Variants in CNTN1 observed in about 807,000 individuals in gnomAD.
CNTN1 encodes contactin-1.
CNTN1 carries 38 observed loss-of-function variants against 126.4 expected under a neutral mutation model. The observed-to-expected ratio is 0.30, with a 90% CI of 0.23 to 0.39. The LOEUF is 0.39. Among genes scored for constraint, CNTN1 ranks in the 10% least tolerant of loss-of-function variants. The pLI is 1.00. For missense variants in CNTN1, 1,009 were observed against 1,248.4 expected (o/e 0.81, Z 2.89); for synonymous variants, 413 against 422.6 (o/e 0.98, Z 0.28).
At chr12:41,044,631 G>T (rs550331764) in intron 23 of CNTN1, among the ~76,000 whole-genome samples, 1 of 152,106 alleles carries the variant, frequency 6.6e-6, no homozygotes, top group East Asian at 1.9e-4. Context: ...ATACTGGGAG[G>T]GTAGAATCTG....
intron 17 of CNTN1, among the ~76,000 whole-genome samples, chr12:41,008,309 G>C (rs1280728898): frequency 6.6e-6 from 1 of 152,088 alleles, no homozygotes; most frequent in Non-Finnish European, 1.5e-5. Context: ...ATAACAGTAG[G>C]GTTTGTTACC....
intron 1 of CNTN1, among the ~76,000 whole-genome samples, chr12:40,880,774 G>A (rs188823344): frequency 7.5e-4 from 114 of 152,060 alleles, no homozygotes; most frequent in Non-Finnish European, 1.3e-3. Context: ...ATTTAATCAG[G>A]AACTTGTTTT....
At chr12:40,886,616 G>T (rs1470729045) in intron 1 of CNTN1, among the ~76,000 whole-genome samples, 2 of 152,068 alleles carry the variant, frequency 1.3e-5, no homozygotes, top group Non-Finnish European at 2.9e-5. Flanking sequence ...CATTGCTTTT[G>T]GTGTTTTAGA....
intron 5 of CNTN1, among the ~76,000 whole-genome samples, chr12:40,922,824 A>G (rs185464729): frequency 6.6e-6 from 1 of 152,026 alleles, no homozygotes; most frequent in East Asian, 1.9e-4. Flanking sequence ...TACAAAAATT[A>G]GCTGGGCGTT....
intron 6 of CNTN1, among the ~76,000 whole-genome samples, chr12:40,928,203 T>G (rs772467589): frequency 4.6e-5 from 7 of 152,040 alleles, no homozygotes; most frequent in African/African-American, 9.7e-5. Context: ...ACAGAAATCC[T>G]TACAAAATTT....
chr12:40,814,127 T>A (rs1941181418), intron 1 of CNTN1, among the ~76,000 whole-genome samples: 1 of 152,192 alleles, frequency 6.6e-6, no homozygotes, highest in Non-Finnish European at 1.5e-5. Context: ...TTGCAAAAAT[T>A]TTCTCCCATT....
rs1949442427 is a variant in CNTN1, at chr12:41,042,634, A to G, written c.2980+13415A>G. On this transcript the variant is annotated intron_variant, in intron 23 of 23. Transcript: ENST00000551295. Reference sequence around the variant, plus strand: ...AAGCTACCAATGACTTTCTTCACAGAATTGGAAAAAACTACTTTAAAGTTC... The same window carrying G: ...AAGCTACCAATGACTTTCTTCACAGGATTGGAAAAAACTACTTTAAAGTTC... 2.6e-5 allele frequency among the ~76,000 whole-genome samples: 4 copies of G among 152,194 alleles called. No individual in the cohort carries two copies. In the South Asian group the frequency reaches 8.3e-4, roughly 32 times the overall value.
At chr12:40,820,388 G>T (rs1592123898) in intron 1 of CNTN1, among the ~76,000 whole-genome samples, 2 of 152,192 alleles carry the variant, frequency 1.3e-5, no homozygotes, top group Non-Finnish European at 2.9e-5. Context: ...CATAGCAGTG[G>T]CTCTGATTCT....
chr12:41,058,413 A>G (rs1221223670), intron 23 of CNTN1, among the ~76,000 whole-genome samples: 2 of 152,150 alleles, frequency 1.3e-5, no homozygotes, highest in Non-Finnish European at 2.9e-5. Flanking sequence ...CAATACTGAT[A>G]GAAATGCTGG....
At chr12:40,802,195 G>A (rs1940683434) in intron 1 of CNTN1, among the ~76,000 whole-genome samples, 1 of 151,936 alleles carries the variant, frequency 6.6e-6, no homozygotes, top group South Asian at 2.1e-4. Flanking sequence ...AGATATCTTG[G>A]TTGGAGACAG....
intron 1 of CNTN1, among the ~76,000 whole-genome samples, chr12:40,834,123 A>G (rs1361598832): frequency 6.6e-6 from 1 of 152,220 alleles, no homozygotes; most frequent in Non-Finnish European, 1.5e-5. Context: ...CAGAAGACTA[A>G]CAAGAATCAT....
intron 1 of CNTN1, among the ~76,000 whole-genome samples, chr12:40,878,307 A>T (rs1052819562): frequency 1.4e-4 from 12 of 83,582 alleles, no homozygotes; most frequent in African/African-American, 4.0e-4. Context: ...AGAAACAATT[A>T]AAAAAAAAAA....
At chr12:40,820,635 T>G (rs1941414013) in intron 1 of CNTN1, among the ~76,000 whole-genome samples, 1 of 151,552 alleles carries the variant, frequency 6.6e-6, no homozygotes, top group Non-Finnish European at 1.5e-5. Context: ...ATAATTCCTT[T>G]TTAGGGGGAT....
chr12:40,869,144 ATAATT>A (rs1367187676), intron 1 of CNTN1, among the ~76,000 whole-genome samples: 1 of 151,816 alleles, frequency 6.6e-6, no homozygotes, highest in Non-Finnish European at 1.5e-5. Context: ...TAATACTATA[ATAATT>A]TAAGTGATAT....
In CNTN1 at chr12:40,972,148, G is replaced by A. The variant is rs984468669; in HGVS notation, c.1805-8761G>A. 3 of 985,244 alleles carry A rather than the reference G, an allele frequency of 3.0e-6. No homozygotes were observed. The African/African-American group carries it at 5.2e-5, about 17-fold the overall frequency. The allele number at this position is 985,244 out of a possible 1,614,324, so 61.0% of individuals were successfully genotyped here. On this transcript the variant is annotated intron_variant, in intron 15 of 23. Coordinates refer to ENST00000551295, the MANE Select transcript of CNTN1 (RefSeq NM_001843.4). Reference sequence around the variant, plus strand: ...TAGCATGTGGGGGAAACCCTCATCTGAGTAGCAAGATTTTAGTAAAGATGA... The same window carrying A: ...TAGCATGTGGGGGAAACCCTCATCTAAGTAGCAAGATTTTAGTAAAGATGA...
intron 14 of CNTN1, among the ~76,000 whole-genome samples, chr12:40,950,513 G>C (rs1369225708): frequency 6.6e-6 from 1 of 152,108 alleles, no homozygotes; most frequent in Admixed American, 6.5e-5. Context: ...TACATAAAAA[G>C]TATACAGGCT....
At chr12:41,028,265 C>G (rs1480588147) in intron 22 of CNTN1, among the ~76,000 whole-genome samples, 2 of 152,094 alleles carry the variant, frequency 1.3e-5, no homozygotes, top group Non-Finnish European at 2.9e-5. Context: ...CTCCTGACCC[C>G]AAATTATCCA....
intron 1 of CNTN1, among the ~76,000 whole-genome samples, chr12:40,806,575 C>T (rs1940865165): frequency 6.6e-6 from 1 of 152,130 alleles, no homozygotes; most frequent in Non-Finnish European, 1.5e-5. Context: ...TCTCTGGTCT[C>T]CTTCCCTAAC....
intron 1 of CNTN1, among the ~76,000 whole-genome samples, chr12:40,879,611 A>G (rs1034581410): frequency 2.0e-5 from 3 of 152,134 alleles, no homozygotes; most frequent in Non-Finnish European, 4.4e-5. Flanking sequence ...TATATCACCT[A>G]AAAATAAGAT....
Sources: gnomAD v4.1 joint callset for allele counts (sites outside exome capture counted in the v4.1 genomes callset) on GRCh38, gnomAD v4.1.1 for gene constraint, MANE v1.5 for transcripts, NCBI Gene and HGNC (gene_info 2026-07-23, HGNC 2026-07-21) for gene names.